HDDC2: variants seen among roughly 807,000 people sequenced by gnomAD.
HDDC2 encodes HD domain containing 2, also known as 5'-deoxynucleotidase HDDC2.
In HDDC2, 25 loss-of-function variants were observed where a neutral mutation model predicts 25.5. The observed-to-expected ratio is 0.98, with a 90% CI of 0.72 to 1.37. HDDC2 has a LOEUF of 1.37. Ranked by LOEUF, HDDC2 falls within the 40% of genes most tolerant of loss-of-function variation. HDDC2 has a pLI of 0.00. For missense variants in HDDC2, 264 were observed against 253.1 expected (o/e 1.04, Z -0.29); for synonymous variants, 106 against 89.7 (o/e 1.18, Z -1.03).
At chr6:125,285,370 G>T (rs115241454) in intron 4 of HDDC2, among the ~76,000 whole-genome samples, 1 of 152,166 alleles carries the variant, frequency 6.6e-6, no homozygotes, top group African/African-American at 2.4e-5. Flanking sequence ...ACAGTGAAAT[G>T]TAAGATAAAA....
In HDDC2 at chr6:125,292,910, C is replaced by T; in HGVS notation, c.310-1G>A. The T allele has an allele frequency of 6.2e-7, 1 of 1,607,050 alleles. No individual in the cohort carries two copies. Among genetic ancestry groups the T allele is most frequent in the Non-Finnish European group, 8.5e-7 (1 of 1,173,752 alleles). On this transcript the variant is annotated splice_acceptor_variant, in intron 3 of 5. Transcript: ENST00000398153. LOFTEE classifies it high-confidence loss of function. ...GCTGGGTTATCTGCTTCATAGCTTC[C>T]TGAAATATTAAACCATTATCTTTAA...
intron 4 of HDDC2, among the ~76,000 whole-genome samples, chr6:125,292,515 A>C (rs1798646768): frequency 6.6e-6 from 1 of 152,146 alleles, no homozygotes; most frequent in Admixed American, 6.5e-5. Flanking sequence ...GAGAGGTGGG[A>C]TTCAATCCCA....
intron 3 of HDDC2, chr6:125,297,382 G>C: frequency 2.6e-6 from 1 of 390,662 alleles, no homozygotes; most frequent in Non-Finnish European, 4.5e-6. Flanking sequence ...CTAAACTTTG[G>C]CAGGAAGAAC....
chr6:125,287,608 G>A (rs143008629), intron 4 of HDDC2, among the ~76,000 whole-genome samples: 130 of 152,304 alleles, frequency 8.5e-4, no homozygotes, highest in African/African-American at 3.1e-3. Flanking sequence ...GGATTTACAT[G>A]TCTGGGGCTT....
At chr6:125,289,481 TAA>T (rs779984106) in intron 4 of HDDC2, among the ~76,000 whole-genome samples, 5 of 98,164 alleles carry the variant, frequency 5.1e-5, no homozygotes, top group African/African-American at 7.5e-5. Flanking sequence ...TAGAGTATAA[TAA>T]AAAAAAAAAA....
intron 4 of HDDC2, among the ~76,000 whole-genome samples, chr6:125,282,715 A>T (rs1798476395): frequency 2.7e-5 from 4 of 146,070 alleles, no homozygotes; most frequent in Admixed American, 2.7e-4. Context: ...AAAGGCACAG[A>T]CTGGCAAATT....
At chr6:125,301,715 C>T in intron 1 of HDDC2, 134 bp downstream of exon 1, 1 of 628,622 alleles carries the variant, frequency 1.6e-6, no homozygotes, top group African/African-American at 2.0e-5. Flanking sequence ...AGGACTGGGG[C>T]CTTTCCGGAA....
At chr6:125,300,392 T>A in intron 2 of HDDC2, 146 bp downstream of exon 2, 1 of 965,120 alleles carries the variant, frequency 1.0e-6, no homozygotes, top group Non-Finnish European at 1.5e-6. Context: ...ATAACCCACA[T>A]CCTAAATTTG....
At chr6:125,298,613 G>T in intron 3 of HDDC2, 101 bp downstream of exon 3, 2 of 815,524 alleles carry the variant, frequency 2.5e-6, no homozygotes, top group East Asian at 2.5e-5. Context: ...AGACTATCAA[G>T]GCGGTATTCT....
chr6:125,279,893 A>G (rs1798431764), intron 4 of HDDC2, among the ~76,000 whole-genome samples: 1 of 152,242 alleles, frequency 6.6e-6, no homozygotes, highest in Non-Finnish European at 1.5e-5. Context: ...TCGAATCTAT[A>G]TTTCAAAAAG....
Position 125,298,754 on chromosome 6 carries a change from G to C in HDDC2, c.269C>G (p.Ala90Gly). Residue 90 changes from alanine (A) to glycine (G), a missense_variant, in exon 3 of 6, where the codon GCA (alanine) becomes GGA (glycine). Coordinates refer to ENST00000398153, the MANE Select transcript of HDDC2 (RefSeq NM_016063.3). ...AECIVGDIAP[A>G]DNIPKEEKHR... ...TTTTTCTTCTTTGGGGATGTTATCTGCTGGTGCTATGTCCCCAACGATGCA... is the reference window on the plus strand; with the variant it reads ...TTTTTCTTCTTTGGGGATGTTATCTCCTGGTGCTATGTCCCCAACGATGCA... 1 of 1,614,078 alleles carries C rather than the reference G, an allele frequency of 6.2e-7. No homozygotes were observed. The highest frequency in any genetic ancestry group is 2.2e-5 in the East Asian group (1 of 44,878).
chr6:125,275,956 T>G lies in HDDC2; in HGVS notation c.*190A>C. On this transcript the variant is annotated 3_prime_UTR_variant, in exon 6 of 6. Coordinates refer to ENST00000398153, the MANE Select transcript of HDDC2 (RefSeq NM_016063.3). ...CCTCCAGTGTTCATCCATGGCACTT[T>G]CATGACCGCTTCCTGTTCTGTGGCT... 1.7e-6 allele frequency: 1 copy of G among 581,958 alleles called. No individual in the cohort carries two copies. The highest frequency in any genetic ancestry group is 3.0e-6 in the Non-Finnish European group (1 of 328,294). 36.0% of individuals were successfully genotyped at this position (581,958 alleles called of 1,614,324 possible).
chr6:125,287,937 C>T (rs898829708), intron 4 of HDDC2, among the ~76,000 whole-genome samples: 11 of 152,158 alleles, frequency 7.2e-5, no homozygotes, highest in African/African-American at 1.7e-4. Context: ...ACACGAAGGC[C>T]GAAGGCCGGC....
At chr6:125,288,450 G>T (rs1798579017) in intron 4 of HDDC2, among the ~76,000 whole-genome samples, 1 of 152,130 alleles carries the variant, frequency 6.6e-6, no homozygotes, top group Non-Finnish European at 1.5e-5. Context: ...CTCAGACTGG[G>T]GTTTCAAAGA....
At chr6:125,298,920 C>T in intron 2 of HDDC2, 104 bp from the exon 3 acceptor site, 1 of 686,292 alleles carries the variant, frequency 1.5e-6, no homozygotes. Flanking sequence ...TTTTTCTCCA[C>T]CCTCACAGAG....
At chr6:125,286,232 A>G (rs1239855510) in intron 4 of HDDC2, among the ~76,000 whole-genome samples, 1 of 152,244 alleles carries the variant, frequency 6.6e-6, no homozygotes, top group Non-Finnish European at 1.5e-5. Context: ...ACATAACTAT[A>G]TGGTTACTTG....
At chr6:125,283,516 C>T (rs1276614703) in intron 4 of HDDC2, among the ~76,000 whole-genome samples, 1 of 152,112 alleles carries the variant, frequency 6.6e-6, no homozygotes, top group Non-Finnish European at 1.5e-5. Flanking sequence ...TTCCTATACA[C>T]CAATAATAGA....
intron 4 of HDDC2, chr6:125,278,314 G>T (rs1193539047): frequency 6.6e-6 from 1 of 152,110 alleles, no homozygotes; most frequent in Non-Finnish European, 1.5e-5. Context: ...CACATTCACA[G>T]TTATATATTT....
Position 125,297,143 on chromosome 6 carries a change from AT to A in HDDC2, c.309+1570del, listed in dbSNP as rs1004102453. Among the ~76,000 whole-genome samples the A allele has an allele frequency of 7.2e-5, 11 of 152,056 alleles. 1 individual carries two copies. Among genetic ancestry groups the A allele is most frequent in the South Asian group, 4.1e-4 (2 of 4,828 alleles). ...CTACAATGAGCTGTGTAATTGAGGA[AT>A]TTTTTTCCCTTCCTTTCCCTCTGTG... On this transcript the variant is annotated intron_variant, in intron 3 of 5. Transcript: ENST00000398153.
Sources: allele counts gnomAD v4.1 joint callset (sites outside exome capture counted in the v4.1 genomes callset), GRCh38; gene constraint gnomAD v4.1.1; transcripts MANE v1.5; gene names NCBI Gene and HGNC (gene_info 2026-07-23, HGNC 2026-07-21).